The following TXNRD1 variants were observed in gnomAD, a reference collection of about 807,000 sequenced individuals.
TXNRD1 encodes the protein thioredoxin reductase 1, also known as thioredoxin reductase 1, cytoplasmic.
Under a neutral mutation model 80.3 loss-of-function variants are expected in TXNRD1, and 57 were observed. The ratio of observed to expected loss-of-function variants is 0.71; its 90% CI spans 0.57 to 0.89. TXNRD1 has a LOEUF of 0.89. Ranked by LOEUF, TXNRD1 falls within the 40% of genes least tolerant of loss-of-function variation. The pLI, the probability that TXNRD1 is intolerant of heterozygous loss-of-function variation, is 0.00. For missense variants in TXNRD1, 730 were observed against 803.0 expected, an observed-to-expected ratio of 0.91 and a Z score of 1.10; for synonymous variants, 291 against 285.2, an observed-to-expected ratio of 1.02 and a Z score of -0.20.
intron 1 of TXNRD1, among the ~76,000 whole-genome samples, chr12:104,229,986 T>C (rs2032579223): frequency 6.6e-6 from 1 of 152,192 alleles, no homozygotes; most frequent in Non-Finnish European, 1.5e-5. Flanking sequence ...TGTACAAGTT[T>C]CATGTACACA....
At chr12:104,275,033 G>A (rs1263638683) in intron 3 of TXNRD1, among the ~76,000 whole-genome samples, 1 of 152,202 alleles carries the variant, frequency 6.6e-6, no homozygotes, top group Admixed American at 6.5e-5. Flanking sequence ...ACGCATGTGT[G>A]TACATGTAAT....
chr12:104,332,901 T>C (rs2036007843), intron 14 of TXNRD1, among the ~76,000 whole-genome samples: 1 of 151,740 alleles, frequency 6.6e-6, no homozygotes, highest in Admixed American at 6.6e-5. Context: ...TCTCTAAATA[T>C]TTTGATGCGT....
chr12:104,306,875 A>T (rs1446854270), intron 4 of TXNRD1, among the ~76,000 whole-genome samples: 1 of 152,192 alleles, frequency 6.6e-6, no homozygotes, highest in East Asian at 1.9e-4. Flanking sequence ...AAGTACTCTT[A>T]ATGACAGCAA....
chr12:104,304,619 C>G, intron 4 of TXNRD1: 1 of 1,613,876 alleles, frequency 6.2e-7, no homozygotes. Context: ...GGGATTGTTG[C>G]AAACCTACTT....
intron 13 of TXNRD1, among the ~76,000 whole-genome samples, chr12:104,331,033 T>G (rs948259237): frequency 2.0e-5 from 3 of 151,926 alleles, no homozygotes; most frequent in Non-Finnish European, 4.4e-5. Context: ...TATATCGTAC[T>G]ATATATCTAT....
chr12:104,304,889 G>A (rs2034828581), intron 4 of TXNRD1: 2 of 1,611,240 alleles, frequency 1.2e-6, no homozygotes, highest in African/African-American at 2.7e-5. Context: ...AAACATTGTG[G>A]CAGCTTTTGA....
At chr12:104,254,644 A>AAAAATATATAT in intron 2 of TXNRD1, among the ~76,000 whole-genome samples, 4 of 93,636 alleles carry the variant, frequency 4.3e-5, no homozygotes, top group East Asian at 2.7e-4. Context: ...AAAAAAAAAA[A>AAAAATATATAT]ATATATATAT....
At chr12:104,249,935 CAAAAAAAA>C (rs59924751) in intron 1 of TXNRD1, among the ~76,000 whole-genome samples, 1 of 102,544 alleles carries the variant, frequency 9.8e-6, no homozygotes, top group Non-Finnish European at 1.9e-5. Context: ...GACGCCGTCT[CAAAAAAAA>C]AAAAAAAAAA....
intron 16 of TXNRD1, among the ~76,000 whole-genome samples, chr12:104,347,488 A>G (rs147188252): frequency 1.3e-4 from 20 of 152,334 alleles, no homozygotes; most frequent in Middle Eastern, 3.4e-3. Context: ...AAACAAGGAG[A>G]ACTTGTTAGT....
At chr12:104,333,836 T>G (rs1412922064) in intron 14 of TXNRD1, among the ~76,000 whole-genome samples, 2 of 152,206 alleles carry the variant, frequency 1.3e-5, no homozygotes, top group Non-Finnish European at 2.9e-5. Context: ...GATAATTACC[T>G]TAATTGATCC....
At chr12:104,291,520 G>T (rs1426469767) in intron 4 of TXNRD1, among the ~76,000 whole-genome samples, 2 of 123,306 alleles carry the variant, frequency 1.6e-5, no homozygotes, top group Non-Finnish European at 3.2e-5. Flanking sequence ...GTCTCACTCT[G>T]TTGCCCAGGC....
chr12:104,339,427 A>G (rs780915059), intron 16 of TXNRD1, 154 bp downstream of exon 16: 10 of 1,035,040 alleles, frequency 9.7e-6, no homozygotes, highest in African/African-American at 7.8e-5. Flanking sequence ...TTGTCTTTCA[A>G]TACTGATTGC....
chr12:104,326,646 A>G (rs1489382315), intron 12 of TXNRD1, among the ~76,000 whole-genome samples: 1 of 151,582 alleles, frequency 6.6e-6, no homozygotes, highest in Non-Finnish European at 1.5e-5. Context: ...TTGTATTTTT[A>G]GTAGAGATGG....
At chr12:104,280,166 A>G (rs2135734315) in intron 3 of TXNRD1, 1 of 151,610 alleles carries the variant, frequency 6.6e-6, no homozygotes, top group East Asian at 1.9e-4. Context: ...CCCCTTTAAG[A>G]GTTGCCTATA....
At chr12:104,315,424 T>G (rs547470089) in intron 6 of TXNRD1, among the ~76,000 whole-genome samples, 1 of 152,304 alleles carries the variant, frequency 6.6e-6, no homozygotes, top group African/African-American at 2.4e-5. Context: ...GGTATCAACA[T>G]AAAGAGAAAA....
At chr12:104,322,084 C>T (rs1270144573) in intron 10 of TXNRD1, among the ~76,000 whole-genome samples, 1 of 150,206 alleles carries the variant, frequency 6.7e-6, no homozygotes, top group African/African-American at 2.5e-5. Context: ...AGAATATGAA[C>T]TTTGGGATCA....
At chr12:104,296,590 G>A (rs986071065) in intron 4 of TXNRD1, among the ~76,000 whole-genome samples, 1 of 152,128 alleles carries the variant, frequency 6.6e-6, no homozygotes, top group Non-Finnish European at 1.5e-5. Flanking sequence ...TAAATTTTTT[G>A]TAAGATAAGG....
chr12:104,293,888 A>G (rs1190704422), intron 4 of TXNRD1, among the ~76,000 whole-genome samples: 2 of 152,160 alleles, frequency 1.3e-5, no homozygotes, highest in African/African-American at 2.4e-5. Context: ...GTCACCTCCA[A>G]TGATAGGTAA....
intron 1 of TXNRD1, among the ~76,000 whole-genome samples, chr12:104,242,675 A>T (rs1270407039): frequency 6.6e-6 from 1 of 152,072 alleles, no homozygotes; most frequent in African/African-American, 2.4e-5. Context: ...GTCCTTCAGT[A>T]CCTCTTCCAC....
Sources: gnomAD v4.1 joint callset for allele counts (sites outside exome capture counted in the v4.1 genomes callset) on GRCh38, gnomAD v4.1.1 for gene constraint, MANE v1.5 for transcripts, NCBI Gene and HGNC (gene_info 2026-07-23, HGNC 2026-07-21) for gene names.